Variants in MACF1 observed in about 807,000 individuals in gnomAD.
The protein encoded by MACF1 is microtubule actin crosslinking factor 1.
A neutral mutation model predicts 854.8 loss-of-function variants in MACF1; 193 were observed. The observed-to-expected ratio is 0.23, with a 90% CI of 0.20 to 0.25. The LOEUF is 0.25. Among genes scored for constraint, MACF1 ranks in the 10% least tolerant of loss-of-function variants. MACF1 has a pLI of 1.00. For synonymous variants in MACF1, 3,185 were observed against 3,226.7 expected, an observed-to-expected ratio of 0.99 and a Z score of 0.44; for missense variants, 7,722 against 8,929.1, an observed-to-expected ratio of 0.86 and a Z score of 5.45.
At chr1:39,216,811 T>C (rs1644582249) in intron 1 of MACF1, among the ~76,000 whole-genome samples, 1 of 151,944 alleles carries the variant, frequency 6.6e-6, no homozygotes, top group Non-Finnish European at 1.5e-5. Flanking sequence ...CAAAGAAGTA[T>C]AGGAAAGTCT....
At chr1:39,362,463 A>T (rs1212586397) in intron 49 of MACF1, among the ~76,000 whole-genome samples, 2 of 152,222 alleles carry the variant, frequency 1.3e-5, no homozygotes, top group African/African-American at 4.8e-5. Flanking sequence ...TAGATTCACC[A>T]GTTGCTAATT....
chr1:39,244,139 CTG>C (rs1644955682), intron 2 of MACF1, among the ~76,000 whole-genome samples: 1 of 151,900 alleles, frequency 6.6e-6, no homozygotes, highest in African/African-American at 2.4e-5. Context: ...GAGTCTCACT[CTG>C]TTGCTCAGGC....
At chr1:39,288,496 T>TA (rs150854643) in intron 15 of MACF1, among the ~76,000 whole-genome samples, 17,781 of 125,444 alleles carry the variant, frequency 0.14, 1,360 homozygotes, top group East Asian at 0.2. Context: ...AGACTCCATC[T>TA]AAAAAAAAAA....
chr1:39,113,039 C>T (rs150173474), intron 2 of MACF1, among the ~76,000 whole-genome samples: 9 of 152,090 alleles, frequency 5.9e-5, no homozygotes, highest in African/African-American at 2.4e-5. Context: ...AATTACAATG[C>T]GGCTTCCCAG....
chr1:39,452,447 AG>A lies in MACF1; in HGVS notation c.20613+98del. The A allele has an allele frequency of 2.4e-6, 3 of 1,268,674 alleles. No homozygotes were observed. The East Asian group carries it at 7.1e-5, about 30-fold the overall frequency. The allele number at this position is 1,268,674 out of a possible 1,614,324, so 78.6% of individuals were successfully genotyped here. A position where few individuals can be genotyped will look rare whatever the true frequency, so the allele number is the denominator to read the frequency against. On this transcript the variant is annotated intron_variant, in intron 86 of 100. Transcript: ENST00000564288. ...ATCTGTTCCAGTCAGTCTTGAAATA[AG>A]TATAACAGAGTTGAAAATTGATATT...
intron 2 of MACF1, among the ~76,000 whole-genome samples, chr1:39,161,143 T>G (rs1643790536): frequency 6.6e-6 from 1 of 152,158 alleles, no homozygotes; most frequent in Non-Finnish European, 1.5e-5. Flanking sequence ...GGCTTTAACT[T>G]ATATTTCTCA....
At chr1:39,178,559 C>G (rs374607221) in intron 2 of MACF1, among the ~76,000 whole-genome samples, 10 of 152,332 alleles carry the variant, frequency 6.6e-5, no homozygotes, top group African/African-American at 2.4e-4. Flanking sequence ...CCAAATGATT[C>G]TTAAGGCATG....
intron 2 of MACF1, among the ~76,000 whole-genome samples, chr1:39,173,351 A>AG (rs1553155698): frequency 5.5e-5 from 7 of 126,230 alleles, no homozygotes; most frequent in Non-Finnish European, 9.7e-5. Flanking sequence ...AAAAAAAAAA[A>AG]AAAGAAAGAA....
intron 2 of MACF1, among the ~76,000 whole-genome samples, chr1:39,197,529 C>T (rs1000411954): frequency 6.6e-6 from 1 of 152,020 alleles, no homozygotes; most frequent in Non-Finnish European, 1.5e-5. Flanking sequence ...CTTCAGGTAG[C>T]AAATAGGGCA....
Position 39,452,708 on chromosome 1 carries a change from C to T in MACF1, c.20638C>T (p.His6880Tyr). 1 of 1,613,446 alleles carries T rather than the reference C, an allele frequency of 6.2e-7. No homozygotes were observed. The highest frequency in any genetic ancestry group is 8.5e-7 in the Non-Finnish European group (1 of 1,180,006). Residue 6880 changes from histidine to tyrosine, a missense_variant, in exon 87 of 101, where the codon CAC becomes TAC. By Grantham distance (83) the His-to-Tyr change is moderately conservative. Transcript: ENST00000564288. ...GGCGGAAGTGTTTCGAGACACAGTC[C>T]ACATGCTGTTGGAGTGGCTTTCTGA... ...KQAEVFRDTVHMLLEWLSEAE... is the reference protein window; with the variant it reads ...KQAEVFRDTVYMLLEWLSEAE...
At chr1:39,325,713 G>A (rs1646597367) in intron 35 of MACF1, among the ~76,000 whole-genome samples, 1 of 152,202 alleles carries the variant, frequency 6.6e-6, no homozygotes, top group Non-Finnish European at 1.5e-5. Context: ...TGAGGGAAAG[G>A]AGATTAAGAA....
In MACF1 at chr1:39,105,952, C is replaced by T. The variant is rs1557456676; in HGVS notation, c.220+21514C>T. Among the ~76,000 whole-genome samples, 2 of 152,196 alleles carry T rather than the reference C, an allele frequency of 1.3e-5. No homozygotes were observed. Among genetic ancestry groups the T allele is most frequent in the Non-Finnish European group, 2.9e-5 (2 of 68,034 alleles). On this transcript the variant is annotated intron_variant, in intron 2 of 93. Coordinates refer to the MACF1 transcript ENST00000361689. This position sits in a 1 kb window ranked among gnomAD's most constrained non-coding sequence, Gnocchi z 5.9. ...TCAGAGCGCCAGTTACATGATTTGC[C>T]CTATTATCCGGCCCCAGCTGGAAGA...
intron 84 of MACF1, among the ~76,000 whole-genome samples, chr1:39,449,696 C>CT (rs751635614): frequency 3.5e-5 from 3 of 86,446 alleles, no homozygotes; most frequent in African/African-American, 1.6e-4. Context: ...CCGCGCCTGG[C>CT]ATTTTTTTTT....
intron 2 of MACF1, among the ~76,000 whole-genome samples, chr1:39,104,682 C>T (rs564420790): frequency 2.0e-5 from 3 of 152,248 alleles, no homozygotes; most frequent in Non-Finnish European, 4.4e-5. Flanking sequence ...TGTCATTTCT[C>T]AGGCTCTGGC....
At chr1:39,126,472 G>T (rs1642862965) in intron 2 of MACF1, among the ~76,000 whole-genome samples, 1 of 152,094 alleles carries the variant, frequency 6.6e-6, no homozygotes, top group South Asian at 2.1e-4. Context: ...CATCTTTCTG[G>T]GGGATACAAT....
At chr1:39,277,508 T>A (rs981259585) in intron 6 of MACF1, among the ~76,000 whole-genome samples, 1 of 152,230 alleles carries the variant, frequency 6.6e-6, no homozygotes, top group African/African-American at 2.4e-5. Flanking sequence ...TCCCTTCCTG[T>A]ATTCCTGTTT....
chr1:39,230,203 T>G (rs1644762087), intron 1 of MACF1, among the ~76,000 whole-genome samples: 2 of 152,200 alleles, frequency 1.3e-5, no homozygotes. Context: ...GCCCAAAATG[T>G]GGCAGTGTGG....
rs1414984892 is a variant in MACF1, at chr1:39,318,595, G to A, written c.3925G>A (p.Glu1309Lys). 2 of 1,612,394 alleles carry A rather than the reference G, an allele frequency of 1.2e-6. No individual in the cohort carries two copies. The highest frequency in any genetic ancestry group is 1.7e-6 in the Non-Finnish European group (2 of 1,179,280). The change falls in exon 30 of 101, where the codon GAG becomes AAG. Residue 1309 changes from glutamate (E) to lysine (K), a missense_variant. Coordinates refer to ENST00000564288, the MANE Select transcript of MACF1 (RefSeq NM_001394062.1). ...GGCAGAGGATAGCAGAGTGCTTTCGGAGCAGCTCAGCCAGCAGACGGTGAG... is the reference window on the plus strand; with the variant it reads ...GGCAGAGGATAGCAGAGTGCTTTCGAAGCAGCTCAGCCAGCAGACGGTGAG... ...GQAEDSRVLSEQLSQQTALFA... is the reference protein window; with the variant it reads ...GQAEDSRVLSKQLSQQTALFA...
intron 72 of MACF1, 70 bp from the exon 73 acceptor site, chr1:39,440,933 A>T: frequency 6.4e-7 from 1 of 1,561,184 alleles, no homozygotes; most frequent in South Asian, 1.1e-5. Flanking sequence ...GGTATAAATC[A>T]CATTTGCAAA....
Sources: gnomAD v4.1 joint callset for allele counts (sites outside exome capture counted in the v4.1 genomes callset) on GRCh38, gnomAD v4.1.1 for gene constraint, Gnocchi (gnomAD v3.1) non-coding constraint, MANE v1.5 for transcripts, NCBI Gene and HGNC (gene_info 2026-07-23, HGNC 2026-07-21) for gene names.